The following ATP10B variants were observed in gnomAD, a reference collection of about 807,000 sequenced individuals.
The protein encoded by ATP10B is ATPase phospholipid transporting 10B (putative).
Under a neutral mutation model 141.2 loss-of-function variants are expected in ATP10B, and 122 were observed. That is an observed-to-expected ratio of 0.86 (90% confidence interval 0.75 to 1.00). The LOEUF (loss-of-function observed/expected upper bound fraction) is 1.00, where lower values mean the gene tolerates loss of function less well. Among genes scored for constraint, ATP10B ranks in the 50% least tolerant of loss-of-function variants. ATP10B has a pLI of 0.00. For synonymous variants in ATP10B, 685 were observed against 692.0 expected (o/e 0.99, Z 0.16); for missense variants, 1,876 against 1,825.3 (o/e 1.03, Z -0.51).
rs528640012 is a variant in ATP10B, at chr5:160,778,147, TA to T, written c.-331+7411del. On this transcript the variant is annotated intron_variant, in intron 2 of 25. Transcript: ENST00000327245. ...TTCATAATGCATTAAACATGCTTTT[TA>T]CCATGTCCACGTATTATCTAAAGTA... is the stretch of plus-strand genomic sequence containing the variant. Among the ~76,000 whole-genome samples, 3 of 152,352 alleles carry T rather than the reference TA, an allele frequency of 2.0e-5. No homozygotes were observed. In the South Asian group the frequency reaches 6.2e-4, roughly 32 times the overall value.
At chr5:160,716,380 G>A (rs1487932065) in intron 3 of ATP10B, among the ~76,000 whole-genome samples, 2 of 151,934 alleles carry the variant, frequency 1.3e-5, no homozygotes, top group East Asian at 3.9e-4. Flanking sequence ...TGTGATGGGG[G>A]GTACTATTAG....
intron 7 of ATP10B, among the ~76,000 whole-genome samples, chr5:160,653,656 CATATATACATATAT>C (rs1761165256): frequency 2.7e-5 from 2 of 74,992 alleles, no homozygotes; most frequent in African/African-American, 5.4e-5. Context: ...ATTATATATA[CATATATACATATAT>C]ATTATATATA....
chr5:160,764,329 T>A (rs1359922532), intron 2 of ATP10B, among the ~76,000 whole-genome samples: 6 of 152,060 alleles, frequency 3.9e-5, no homozygotes, highest in Non-Finnish European at 1.5e-5. Flanking sequence ...ACCAGCTAAC[T>A]GAATTCAACA....
intron 24 of ATP10B, among the ~76,000 whole-genome samples, chr5:160,570,396 T>C (rs893093279): frequency 1.3e-5 from 2 of 152,228 alleles, no homozygotes; most frequent in Non-Finnish European, 2.9e-5. Flanking sequence ...ATATTGACTA[T>C]TTTGTATAAT....
intron 2 of ATP10B, among the ~76,000 whole-genome samples, chr5:160,743,570 A>G (rs917982444): frequency 6.6e-6 from 1 of 152,158 alleles, no homozygotes; most frequent in Non-Finnish European, 1.5e-5. Context: ...TTAGCAACTG[A>G]CTTGAGGTCA....
chr5:160,824,690 GTGTT>G (rs1437309432), intron 1 of ATP10B, among the ~76,000 whole-genome samples: 4 of 150,530 alleles, frequency 2.7e-5, no homozygotes, highest in Admixed American at 6.6e-5. Context: ...TAATGGTTAA[GTGTT>G]TGTATATCTA....
intron 7 of ATP10B, among the ~76,000 whole-genome samples, chr5:160,658,915 A>G (rs147259338): frequency 2.6e-5 from 4 of 152,342 alleles, no homozygotes; most frequent in African/African-American, 9.6e-5. Context: ...ATTTTGAATT[A>G]CAGTTCTGTC....
chr5:160,652,847 AAAG>A (rs1361996922), intron 7 of ATP10B, among the ~76,000 whole-genome samples: 9 of 93,034 alleles, frequency 9.7e-5, no homozygotes, highest in African/African-American at 3.1e-4. Flanking sequence ...TATATTATAA[AAAG>A]ATTATAAATT....
At chr5:160,925,392 G>A in the ATP10B span, among the ~76,000 whole-genome samples, 1 of 152,172 alleles carries the variant, frequency 6.6e-6, no homozygotes, top group Non-Finnish European at 1.5e-5. Context: ...TAACCCTAGG[G>A]GATGAGTTTA....
chr5:160,883,262 G>C, the ATP10B span, among the ~76,000 whole-genome samples: 1 of 152,128 alleles, frequency 6.6e-6, no homozygotes, highest in Non-Finnish European at 1.5e-5. Flanking sequence ...GTTCCCAAGA[G>C]TCTTTATTGA....
At chr5:160,880,103 TTATAAAAGAAATTA>T in the ATP10B span, among the ~76,000 whole-genome samples, 1 of 148,636 alleles carries the variant, frequency 6.7e-6, no homozygotes, top group Non-Finnish European at 1.5e-5. Context: ...TGAGAAACTA[TTATAAAAGAAATTA>T]TGTAAAAGAA....
At chr5:160,733,895 A>T (rs1306418191) in intron 2 of ATP10B, among the ~76,000 whole-genome samples, 1 of 151,724 alleles carries the variant, frequency 6.6e-6, no homozygotes, top group Non-Finnish European at 1.5e-5. Flanking sequence ...CATGAGGTCA[A>T]GAGATCGAGA....
At chr5:160,926,613 G>A in the ATP10B span, among the ~76,000 whole-genome samples, 3 of 152,174 alleles carry the variant, frequency 2.0e-5, no homozygotes, top group South Asian at 4.1e-4. Context: ...CAATGAAGAA[G>A]ACGTAAGTGC....
In ATP10B at chr5:160,620,484, A is replaced by C. The variant is rs375262733; in HGVS notation, c.2279T>G (p.Leu760Arg). 5.0e-6 allele frequency: 8 copies of C among 1,614,104 alleles called. No homozygotes were observed. In the African/African-American group the frequency reaches 9.3e-5, roughly 19 times the overall value. Residue 760 changes from leucine (L) to arginine (R), a missense_variant, in exon 15 of 26, where the codon CTC (leucine) becomes CGC (arginine). Physicochemically the swap from Leu to Arg is moderately radical, Grantham distance 102 (BLOSUM62 -2). Transcript: ENST00000327245. ...LPQGTCLTFS[L>R]LCTLGFDSVR... The stretch of plus-strand genomic sequence containing the variant: ...AGAGTCAAAGCCCAGGGTGCAGAGG[A>C]GGCTGAAGGTGAGGCAGGTGCCCTG...
the ATP10B span, among the ~76,000 whole-genome samples, chr5:160,903,023 T>C: frequency 6.6e-6 from 1 of 152,220 alleles, no homozygotes; most frequent in Non-Finnish European, 1.5e-5. Context: ...TGTCAGCAAC[T>C]ACTTTGCCTT....
chr5:160,777,647 C>T (rs527557319), intron 2 of ATP10B, among the ~76,000 whole-genome samples: 2 of 152,166 alleles, frequency 1.3e-5, no homozygotes, highest in Non-Finnish European at 2.9e-5. Flanking sequence ...GTCACTATCC[C>T]CAACCTGGCT....
the ATP10B span, among the ~76,000 whole-genome samples, chr5:160,918,880 T>C: frequency 6.6e-6 from 1 of 152,114 alleles, no homozygotes. Context: ...AATGACCTAG[T>C]ACCTGTATAG....
chr5:160,880,192 A>T, the ATP10B span, among the ~76,000 whole-genome samples: 47 of 139,740 alleles, frequency 3.4e-4, no homozygotes, highest in Admixed American at 6.8e-4. Flanking sequence ...AAATATTTTT[A>T]TATATAGATT....
chr5:160,724,639 C>G (rs1766212576), intron 2 of ATP10B, among the ~76,000 whole-genome samples: 1 of 152,194 alleles, frequency 6.6e-6, no homozygotes, highest in South Asian at 2.1e-4. Flanking sequence ...TTCCCCTTCT[C>G]TCTTGTTCAG....
Sources: gnomAD v4.1 joint callset for allele counts (sites outside exome capture counted in the v4.1 genomes callset) on GRCh38, gnomAD v4.1.1 for gene constraint, MANE v1.5 for transcripts, NCBI Gene and HGNC (gene_info 2026-07-23, HGNC 2026-07-21) for gene names.